Variants in DCN observed in about 807,000 individuals in gnomAD.
The protein encoded by DCN is bone proteoglycan II.
Under a neutral mutation model 36.5 loss-of-function variants are expected in DCN, and 17 were observed. The ratio of observed to expected loss-of-function variants is 0.47; its 90% CI spans 0.32 to 0.70. The LOEUF is 0.70. Ranked by LOEUF, DCN falls within the 30% of genes least tolerant of loss-of-function variation. DCN has a pLI of 0.04. For synonymous variants in DCN, 163 were observed against 161.4 expected (o/e 1.01, Z -0.07); for missense variants, 389 against 430.1 (o/e 0.90, Z 0.84).
intron 2 of DCN, 117 bp downstream of exon 2, chr12:91,178,225 G>GA: frequency 1.1e-6 from 1 of 887,956 alleles, no homozygotes; most frequent in East Asian, 2.4e-5. Flanking sequence ...CTCCTCATTA[G>GA]GTGGCACTGT....
In DCN at chr12:91,164,647, G is replaced by A. The variant is rs3138221; in HGVS notation, c.282C>T (p.Thr94=). The A allele has an allele frequency of 3.4e-3, 5,422 of 1,612,534 alleles. 137 individuals are homozygous for A. In the African/African-American group the frequency reaches 0.059, roughly 18 times the overall value. The change falls in exon 3 of 8, where the codon ACC becomes ACT. Residue 94 remains threonine, a synonymous_variant. Coordinates refer to ENST00000052754, the MANE Select transcript of DCN (RefSeq NM_001920.5). The part of the protein sequence containing the change: ...TLLDLQNNKI[T]EIKDGDFKNL... ...TCTTAAAGTCTCCATCTTTGATTTCGGTTATTTTGTTGTTTTGCAGGTCTA... is the reference window on the plus strand; with the variant it reads ...TCTTAAAGTCTCCATCTTTGATTTCAGTTATTTTGTTGTTTTGCAGGTCTA...
intron 7 of DCN, among the ~76,000 whole-genome samples, chr12:91,149,062 A>G (rs1592678702): frequency 6.6e-6 from 1 of 152,314 alleles, no homozygotes; most frequent in East Asian, 1.9e-4. Context: ...GTCTGTGTAG[A>G]ACAAAATAAA....
intron 5 of DCN, among the ~76,000 whole-genome samples, chr12:91,155,495 T>A (rs1881706839): frequency 6.6e-6 from 1 of 152,170 alleles, no homozygotes; most frequent in Non-Finnish European, 1.5e-5. Flanking sequence ...CATGAAATGA[T>A]AAAAGGTATC....
intron 1 of DCN, chr12:91,180,289 AAG>A (rs1781777159): frequency 2.4e-5 from 3 of 126,766 alleles, no homozygotes; most frequent in East Asian, 4.6e-4. Context: ...TATTAAAAAA[AAG>A]AAGAAAGAAA....
intron 2 of DCN, among the ~76,000 whole-genome samples, chr12:91,170,250 T>C (rs149924740): frequency 6.6e-6 from 1 of 152,092 alleles, no homozygotes; most frequent in Admixed American, 6.5e-5. Flanking sequence ...ATAAGCAAAA[T>C]AGAGGGTGTT....
intron 2 of DCN, among the ~76,000 whole-genome samples, chr12:91,174,025 A>G (rs1276438665): frequency 1.3e-5 from 2 of 152,218 alleles, no homozygotes; most frequent in Admixed American, 6.5e-5. Flanking sequence ...GTTATTTGCA[A>G]TGCTTCTATA....
chr12:91,167,893 T>C (rs1735786403), intron 2 of DCN, among the ~76,000 whole-genome samples: 1 of 152,202 alleles, frequency 6.6e-6, no homozygotes, highest in African/African-American at 2.4e-5. Flanking sequence ...CAGCCTGGAA[T>C]GCAATGGCAT....
chr12:91,157,052 T>G, intron 5 of DCN, 23 bp downstream of exon 5: 1 of 1,494,470 alleles, frequency 6.7e-7, no homozygotes, highest in Non-Finnish European at 9.3e-7. Context: ...TTTTTCAAAA[T>G]GTTTTGGAGA....
At chr12:91,167,927 G>T (rs3138294) in intron 2 of DCN, among the ~76,000 whole-genome samples, 5 of 152,054 alleles carry the variant, frequency 3.3e-5, no homozygotes, top group Admixed American at 3.3e-4. Context: ...TTTAACCTCC[G>T]CCTCCCGATT....
chr12:91,159,131 C>A (rs933499486), intron 3 of DCN, among the ~76,000 whole-genome samples: 8 of 152,144 alleles, frequency 5.3e-5, no homozygotes, highest in African/African-American at 1.7e-4. Context: ...ATAAATACTG[C>A]TAACAATTGA....
chr12:91,154,178 T>C (rs1881613031), intron 5 of DCN, among the ~76,000 whole-genome samples: 1 of 152,142 alleles, frequency 6.6e-6, no homozygotes, highest in Non-Finnish European at 1.5e-5. Flanking sequence ...GTCAATATTG[T>C]CCATTTAATA....
In DCN at chr12:91,178,403, T is replaced by C. The variant is rs759983929; in HGVS notation, c.150A>G (p.Leu50=). The C allele has an allele frequency of 6.2e-7, 1 of 1,613,996 alleles. No individual in the cohort carries two copies. Among genetic ancestry groups the C allele is most frequent in the East Asian group, 2.2e-5 (1 of 44,844 alleles). Residue 50 remains leucine, a synonymous_variant, in exon 2 of 8, where the codon CTA becomes CTG. Coordinates refer to ENST00000052754, the MANE Select transcript of DCN (RefSeq NM_001920.5). ...GACAGCGGAAGGGGCACACTGGGCC[T>C]AGGGAGGGCTCGAAGTCGCGGTCAT... ...VPDDRDFEPS[L]GPVCPFRCQC...
At chr12:91,164,366 T>TAA (rs368050582) in intron 3 of DCN, among the ~76,000 whole-genome samples, 3,441 of 73,606 alleles carry the variant, frequency 0.047, 204 homozygotes, top group African/African-American at 0.14. Context: ...TAGAGTATAA[T>TAA]AAAAAAAAAA....
At chr12:91,166,835 C>T (rs1481809003) in intron 2 of DCN, among the ~76,000 whole-genome samples, 1 of 152,064 alleles carries the variant, frequency 6.6e-6, no homozygotes, top group East Asian at 1.9e-4. Flanking sequence ...CTTGGAGAGT[C>T]ATTTCAATGA....
chr12:91,173,491 T>C (rs986379273), intron 2 of DCN, among the ~76,000 whole-genome samples: 4 of 152,168 alleles, frequency 2.6e-5, no homozygotes, highest in Admixed American at 6.6e-5. Flanking sequence ...CCAGGTCACA[T>C]TGAGCATTAC....
At chr12:91,172,129 G>T (rs1882998525) in intron 2 of DCN, 1 of 150,944 alleles carries the variant, frequency 6.6e-6, no homozygotes, top group African/African-American at 2.5e-5. Context: ...TCTGAATAAA[G>T]ACTAGTAAGA....
intron 3 of DCN, among the ~76,000 whole-genome samples, chr12:91,159,440 A>G (rs1882019027): frequency 6.6e-6 from 1 of 151,524 alleles, no homozygotes; most frequent in South Asian, 2.1e-4. Context: ...TTTTCCTACC[A>G]TTTATTGTAT....
intron 2 of DCN, among the ~76,000 whole-genome samples, chr12:91,168,972 T>A (rs1036908386): frequency 6.6e-6 from 1 of 152,086 alleles, no homozygotes; most frequent in African/African-American, 2.4e-5. Flanking sequence ...TAGAAGCTTC[T>A]AAATGAAGAA....
chr12:91,172,530 T>G (rs1289615391), intron 2 of DCN: 1 of 340,378 alleles, frequency 2.9e-6, no homozygotes, highest in Non-Finnish European at 5.4e-6. Flanking sequence ...CCAGGCTTCA[T>G]ACATAGATGA....
Sources: gnomAD v4.1 joint callset for allele counts (sites outside exome capture counted in the v4.1 genomes callset) on GRCh38, gnomAD v4.1.1 for gene constraint, MANE v1.5 for transcripts, NCBI Gene and HGNC (gene_info 2026-07-23, HGNC 2026-07-21) for gene names.